Variants in DCAF1 observed in about 807,000 individuals in gnomAD.
DCAF1 encodes the protein DDB1 and CUL4 associated factor 1.
A neutral mutation model predicts 128.0 loss-of-function variants in DCAF1; 15 were observed. The ratio of observed to expected loss-of-function variants is 0.12; its 90% confidence interval spans 0.08 to 0.18. DCAF1 has a LOEUF of 0.18. Among genes scored for constraint, DCAF1 ranks in the 10% least tolerant of loss-of-function variants. The pLI, the probability that DCAF1 is intolerant of heterozygous loss-of-function variation, is 1.00. For synonymous variants in DCAF1, 610 were observed against 603.0 expected, an observed-to-expected ratio of 1.01 and a Z score of -0.17; for missense variants, 988 against 1,649.5, an observed-to-expected ratio of 0.60 and a Z score of 6.95.
rs1172745879 is a variant in DCAF1 at position 51,434,489 on chromosome 3, G to A, written c.1129-1225C>T. 2.6e-5 allele frequency among the ~76,000 whole-genome samples: 4 copies of A among 152,260 alleles called. No individual in the cohort carries two copies. The East Asian group carries it at 7.7e-4, about 29-fold the overall frequency. ...AAAACTGCAGTTTTTGCCTTTGAAAGCAATAGCAAAAACCGCAATTACTTT... is the reference window on the plus strand; with the variant it reads ...AAAACTGCAGTTTTTGCCTTTGAAAACAATAGCAAAAACCGCAATTACTTT... On this transcript the variant is annotated intron_variant, in intron 9 of 24. Coordinates refer to ENST00000684031, the MANE Select transcript of DCAF1 (RefSeq NM_001387579.1).
At chr3:51,408,949 A>T (rs542534211) in intron 23 of DCAF1, among the ~76,000 whole-genome samples, 10 of 152,132 alleles carry the variant, frequency 6.6e-5, no homozygotes, top group Non-Finnish European at 1.0e-4. Flanking sequence ...CCTGCCACCT[A>T]GTCTTCTCTG....
chr3:51,420,589 A>G lies in DCAF1; in HGVS notation c.2381T>C (p.Val794Ala), dbSNP rs1553632211. The change falls in exon 15 of 25, where the codon GTG becomes GCG. Residue 794 changes from valine (V) to alanine (A), a missense_variant. Physicochemically the swap from Val to Ala is moderately conservative, Grantham distance 64 (BLOSUM62 0). Around this residue, in one of 11 missense-constraint regions of DCAF1, gnomAD observed 76 missense variants for 186.9 expected, o/e 0.41. Transcript: ENST00000684031. The surrounding 1 kb of genome is among the most constrained non-coding windows in gnomAD (Gnocchi z 6.5). Reference sequence around the variant, plus strand: ...ATGGTCACTGCGCTTGTCCTGCAGCACAGGCTCCTTCATCAGCTGCTGGAT... The same window carrying G: ...ATGGTCACTGCGCTTGTCCTGCAGCGCAGGCTCCTTCATCAGCTGCTGGAT... ...CQIQQLMKEP[V>A]LQDKRSDHVK... 1 of 1,613,968 alleles carries G rather than the reference A, an allele frequency of 6.2e-7. No homozygotes were observed. Among genetic ancestry groups the G allele is most frequent in the Non-Finnish European group, 8.5e-7 (1 of 1,179,852 alleles).
At chr3:51,463,770 C>T (rs1553645530) in intron 5 of DCAF1, among the ~76,000 whole-genome samples, 1 of 151,866 alleles carries the variant, frequency 6.6e-6, no homozygotes, top group Admixed American at 6.6e-5. Context: ...AACGGTGAGA[C>T]CCTGTCTCCA....
At chr3:51,459,565 G>A (rs1315102285) in intron 6 of DCAF1, among the ~76,000 whole-genome samples, 3 of 152,294 alleles carry the variant, frequency 2.0e-5, no homozygotes, top group Middle Eastern at 3.4e-3. Context: ...TATGAGGCCA[G>A]CATCATCCTG....
intron 3 of DCAF1, among the ~76,000 whole-genome samples, chr3:51,476,055 T>C (rs1577272750): frequency 6.6e-6 from 1 of 152,178 alleles, no homozygotes; most frequent in East Asian, 1.9e-4. Flanking sequence ...TAGGTGTTAA[T>C]TGTGGGGTTT....
At chr3:51,483,389 G>A (rs994105417) in intron 3 of DCAF1, among the ~76,000 whole-genome samples, 4 of 150,244 alleles carry the variant, frequency 2.7e-5, no homozygotes, top group Admixed American at 6.7e-5. Context: ...GCAGTGAGCC[G>A]AGATCACACC....
intron 9 of DCAF1, chr3:51,438,170 G>T: frequency 2.9e-6 from 1 of 346,734 alleles, no homozygotes; most frequent in Non-Finnish European, 5.6e-6. Context: ...TTAAACTTTA[G>T]CCCAGCAGGG....
At chr3:51,429,848 T>A (rs1353415055) in intron 11 of DCAF1, among the ~76,000 whole-genome samples, 185 bp downstream of exon 11, 1 of 151,514 alleles carries the variant, frequency 6.6e-6, no homozygotes, top group East Asian at 1.9e-4. Flanking sequence ...CGGCACAGTG[T>A]CCTCTAACTA....
intron 6 of DCAF1, among the ~76,000 whole-genome samples, chr3:51,444,996 A>T (rs1474360985): frequency 6.6e-6 from 1 of 152,142 alleles, no homozygotes; most frequent in Non-Finnish European, 1.5e-5. Flanking sequence ...TTTTAATTAC[A>T]TTTTATTATG....
chr3:51,441,340 A>C (rs1553638623), intron 8 of DCAF1, 45 bp downstream of exon 8: 1 of 1,556,426 alleles, frequency 6.4e-7, no homozygotes, highest in South Asian at 1.2e-5. Context: ...AGAAATGAAC[A>C]CAATAATTCC....
chr3:51,497,729 A>T (rs939139831), intron 1 of DCAF1, among the ~76,000 whole-genome samples: 35 of 152,280 alleles, frequency 2.3e-4, no homozygotes, highest in Non-Finnish European at 3.1e-4. Flanking sequence ...ACAAATATTT[A>T]AAAATTAGCC....
chr3:51,412,311 C>A (rs1004115951), intron 23 of DCAF1, 68 bp downstream of exon 23: 1 of 1,602,548 alleles, frequency 6.2e-7, no homozygotes, highest in Non-Finnish European at 8.5e-7. Context: ...AAACCTCCTA[C>A]AGCAAAAAGC....
chr3:51,435,467 C>T (rs1389428219), intron 9 of DCAF1, among the ~76,000 whole-genome samples: 1 of 152,178 alleles, frequency 6.6e-6, no homozygotes, highest in Admixed American at 6.5e-5. Context: ...AGTTGAAAGG[C>T]AAATTTCCTC....
Position 51,430,162 on chromosome 3 carries a change from C to T in DCAF1, c.1338G>A (p.Leu446=), listed in dbSNP as rs781878329. 12 of 780,730 alleles carry T rather than the reference C, an allele frequency of 1.5e-5. No individual in the cohort carries two copies. The highest frequency in any genetic ancestry group is 1.2e-4 in the African/African-American group (7 of 59,110). 48.4% of individuals were successfully genotyped at this position (780,730 alleles called of 1,614,324 possible). Residue 446 remains leucine, a synonymous_variant, in exon 11 of 25, where the codon CTG becomes CTA. Transcript: ENST00000684031. ...NVLSDVVNYT[L]WLMECSHASG... Reference sequence around the variant, plus strand: ...AAGCATGAGAACACTCCATTAACCACAGGGTATAGTTCACCACATCAGACA... The same window carrying T: ...AAGCATGAGAACACTCCATTAACCATAGGGTATAGTTCACCACATCAGACA...
At chr3:51,447,979 C>T (rs140301733) in intron 6 of DCAF1, among the ~76,000 whole-genome samples, 27 of 152,138 alleles carry the variant, frequency 1.8e-4, no homozygotes, top group African/African-American at 6.0e-4. Context: ...TGTTTACAGA[C>T]AGACACTGAG....
At chr3:51,437,216 T>C (rs888279808) in intron 9 of DCAF1, 12 of 330,234 alleles carry the variant, frequency 3.6e-5, no homozygotes, top group Admixed American at 1.9e-4. Context: ...TGAGCAAACA[T>C]AGCACCACTG....
downstream of DCAF1, chr3:51,395,904 T>A (rs1229846448): frequency 1.5e-5 from 6 of 413,340 alleles, no homozygotes; most frequent in Admixed American, 4.4e-5. Context: ...CCTGTTTTTG[T>A]TTTTTTACTT....
chr3:51,488,118 G>A (rs780463427), intron 2 of DCAF1, among the ~76,000 whole-genome samples: 8 of 151,904 alleles, frequency 5.3e-5, no homozygotes, highest in Non-Finnish European at 1.2e-4. Flanking sequence ...GCCTGCCTCG[G>A]CATCCCAAAA....
intron 12 of DCAF1, among the ~76,000 whole-genome samples, chr3:51,428,995 C>T (rs1700146045): frequency 6.6e-6 from 1 of 151,998 alleles, no homozygotes; most frequent in Admixed American, 6.6e-5. Context: ...GGAGACGTAT[C>T]TCAAAAAGAA....
Sources: allele counts gnomAD v4.1 joint callset (sites outside exome capture counted in the v4.1 genomes callset), GRCh38; gene constraint gnomAD v4.1.1; regional missense constraint gnomAD v4.1.1; non-coding constraint Gnocchi (gnomAD v3.1); transcripts MANE v1.5; gene names NCBI Gene and HGNC (gene_info 2026-07-23, HGNC 2026-07-21).